The following ZNF30 variants were observed in gnomAD, a reference collection of about 807,000 sequenced individuals.
The protein encoded by ZNF30 is zinc finger protein 30.
ZNF30 carries 15 observed loss-of-function variants against 13.2 expected under a neutral mutation model. The ratio of observed to expected loss-of-function variants is 1.13; its 90% confidence interval spans 0.76 to 1.75. The LOEUF is 1.75. Among genes scored for constraint, ZNF30 ranks in the 40% most tolerant of loss-of-function variants. ZNF30 has a pLI of 0.00. For synonymous variants in ZNF30, 223 were observed against 256.6 expected (o/e 0.87, Z 1.25); for missense variants, 726 against 757.0 (o/e 0.96, Z 0.48).
intron 1 of ZNF30, among the ~76,000 whole-genome samples, chr19:34,929,679 T>G (rs1055921755): frequency 3.9e-5 from 6 of 152,224 alleles, no homozygotes; most frequent in Non-Finnish European, 5.9e-5. Flanking sequence ...TTGTGTCTGA[T>G]TCTGCCTTCC....
chr19:34,940,892 C>A (rs2013012806), intron 4 of ZNF30, among the ~76,000 whole-genome samples: 1 of 152,094 alleles, frequency 6.6e-6, no homozygotes, highest in South Asian at 2.1e-4. Context: ...CCAAAGAGCC[C>A]ACAGAACCAG....
chr19:34,939,063 G>A (rs1057357430), intron 4 of ZNF30, among the ~76,000 whole-genome samples: 1 of 151,616 alleles, frequency 6.6e-6, no homozygotes, highest in Non-Finnish European at 1.5e-5. Context: ...GTATGGAGCT[G>A]CCATCAGGTA....
upstream of ZNF30, among the ~76,000 whole-genome samples, chr19:34,925,030 C>T (rs1328263849): frequency 1.3e-5 from 2 of 152,162 alleles, no homozygotes; most frequent in Non-Finnish European, 1.5e-5. Context: ...TTCCCTTGTC[C>T]CCCTGGCAGG....
chr19:34,925,965 A>G (rs2012056729), upstream of ZNF30, among the ~76,000 whole-genome samples: 2 of 152,166 alleles, frequency 1.3e-5, no homozygotes, highest in African/African-American at 4.8e-5. Flanking sequence ...TGAGCCCAGG[A>G]GTTCGAGACT....
chr19:34,926,808 T>G, upstream of ZNF30: 1 of 395,774 alleles, frequency 2.5e-6, no homozygotes. Flanking sequence ...CGCCCCAGCT[T>G]CGAGGTCTAT....
chr19:34,925,809 C>G (rs893863159), upstream of ZNF30, among the ~76,000 whole-genome samples: 3 of 152,106 alleles, frequency 2.0e-5, no homozygotes, highest in African/African-American at 7.2e-5. Flanking sequence ...CAGCACTCCC[C>G]TTCCCCACCT....
intron 4 of ZNF30, among the ~76,000 whole-genome samples, chr19:34,939,928 G>A (rs562499814): frequency 3.3e-5 from 5 of 152,220 alleles, no homozygotes; most frequent in East Asian, 1.9e-4. Context: ...TTACTGTCTC[G>A]TAGTAGATTG....
At chr19:34,938,719 G>A (rs956667546) in intron 4 of ZNF30, among the ~76,000 whole-genome samples, 1 of 152,024 alleles carries the variant, frequency 6.6e-6, no homozygotes, top group African/African-American at 2.4e-5. Context: ...GCTCAACTGC[G>A]CATTCAGACT....
At chr19:34,929,808 GA>G (rs2012340363) in intron 1 of ZNF30, 75 bp from the exon 2 acceptor site, 1 of 751,876 alleles carries the variant, frequency 1.3e-6, no homozygotes, top group African/African-American at 1.9e-5. Flanking sequence ...AAGCTGAAAT[GA>G]AGGGACAGGA....
At chr19:34,933,911 T>C (rs2651100) in intron 4 of ZNF30, among the ~76,000 whole-genome samples, 188 bp downstream of exon 4, 65,456 of 151,916 alleles carry the variant, frequency 0.43, 15,650 homozygotes, top group African/African-American at 0.65. Context: ...TCATCTTTAC[T>C]TATTTTAATA....
At chr19:34,938,600 T>C (rs1454034747) in intron 4 of ZNF30, among the ~76,000 whole-genome samples, 1 of 152,216 alleles carries the variant, frequency 6.6e-6, no homozygotes, top group Non-Finnish European at 1.5e-5. Flanking sequence ...ATTGCAAGAC[T>C]TTATTCCTAA....
At chr19:34,935,287 A>G (rs1393079796) in intron 4 of ZNF30, among the ~76,000 whole-genome samples, 1 of 152,210 alleles carries the variant, frequency 6.6e-6, no homozygotes, top group African/African-American at 2.4e-5. Flanking sequence ...GCTTACAAAA[A>G]AGTTGGAAAG....
chr19:34,930,624 C>T (rs1300671412), intron 2 of ZNF30, among the ~76,000 whole-genome samples: 3 of 152,084 alleles, frequency 2.0e-5, no homozygotes, highest in Admixed American at 2.0e-4. Flanking sequence ...TTGGGAGCCC[C>T]AGGTGGGAGG....
intron 3 of ZNF30, among the ~76,000 whole-genome samples, chr19:34,933,282 G>A (rs936763490): frequency 1.3e-5 from 2 of 151,800 alleles, no homozygotes; most frequent in Non-Finnish European, 2.9e-5. Context: ...GGTGACATCC[G>A]TCTCTACTAA....
chr19:34,944,948 T>G lies in ZNF30; in HGVS notation c.*110T>G. 1 of 1,000,776 alleles carries G rather than the reference T, an allele frequency of 1.0e-6. No individual in the cohort carries two copies. Among genetic ancestry groups the G allele is most frequent in the South Asian group, 2.0e-5 (1 of 48,894 alleles). 62.0% of individuals were successfully genotyped at this position (1,000,776 alleles called of 1,614,324 possible). On this transcript the variant is annotated 3_prime_UTR_variant, in exon 5 of 5. Transcript: ENST00000601142. ...AATGTGAAGAATATTGGCAGGTCTA[T>G]TCTCATCTTATAATTCATAATATAA...
At chr19:34,932,367 C>G (rs964488508) in intron 3 of ZNF30, among the ~76,000 whole-genome samples, 1 of 152,146 alleles carries the variant, frequency 6.6e-6, no homozygotes, top group Non-Finnish European at 1.5e-5. Context: ...GAAGTTACCT[C>G]ATTTTATTTC....
At position 34,944,486 on chromosome 19, in the gene ZNF30, C is replaced by A. The variant is rs1269827058; in HGVS notation, c.1520C>A (p.Thr507Asn). ...CTTGTACAACATAGCAGAATCCATA[C>A]TGGTAAGAAGCCCTATGAGTGTAAG... The part of the protein sequence containing the change: ...SYLVQHSRIH[T>N]GKKPYECKEC... Residue 507 changes from threonine (T) to asparagine (N), a missense_variant, in exon 5 of 5, where the codon ACT becomes AAT. Coordinates refer to ENST00000601142, the MANE Select transcript of ZNF30 (RefSeq NM_194325.3). The A allele has an allele frequency of 4.3e-6, 7 of 1,613,856 alleles. No homozygotes were observed. Among genetic ancestry groups the A allele is most frequent in the Non-Finnish European group, 5.9e-6 (7 of 1,179,966 alleles).
Position 34,943,336 on chromosome 19 carries a change from G to T in ZNF30, c.370G>T (p.Glu124Ter). 1 of 1,613,932 alleles carries T rather than the reference G, an allele frequency of 6.2e-7. No individual in the cohort carries two copies. Among genetic ancestry groups the T allele is most frequent in the South Asian group, 1.1e-5 (1 of 91,056 alleles). ...TAGACAGAAACCACGTGAATGTCAG[G>T]AATATGGAAAGACCCTTTGTCAAGA... ...ISRQKPRECQ[E>*]YGKTLCQDSK... The change falls in exon 5 of 5, where the codon GAA becomes TAA. Residue 124 changes from glutamate (E) to a stop codon, truncating the protein, a stop_gained. Coordinates refer to ENST00000601142, the MANE Select transcript of ZNF30 (RefSeq NM_194325.3). LOFTEE classifies it low-confidence loss of function (END_TRUNC).
intron 3 of ZNF30, 145 bp downstream of exon 3, chr19:34,932,138 C>G (rs1372148985): frequency 1.3e-6 from 1 of 765,626 alleles, no homozygotes; most frequent in Non-Finnish European, 1.9e-6. Context: ...TGGAAATGAT[C>G]CAGTGGCAGG....
Sources: allele counts gnomAD v4.1 joint callset (sites outside exome capture counted in the v4.1 genomes callset), GRCh38; gene constraint gnomAD v4.1.1; transcripts MANE v1.5; gene names NCBI Gene and HGNC (gene_info 2026-07-23, HGNC 2026-07-21).